Variants in CEP128 observed in about 807,000 individuals in gnomAD.
The protein encoded by CEP128 is centrosomal protein 128kDa.
CEP128 carries 132 observed loss-of-function variants against 156.7 expected under a neutral mutation model. The observed-to-expected ratio is 0.84, with a 90% CI of 0.73 to 0.97. The LOEUF (loss-of-function observed/expected upper bound fraction) is 0.97, where lower values mean the gene tolerates loss of function less well. Ranked by LOEUF, CEP128 falls within the 50% of genes least tolerant of loss-of-function variation. The pLI is 0.00. For synonymous variants in CEP128, 469 were observed against 448.9 expected, an observed-to-expected ratio of 1.04 and a Z score of -0.57; for missense variants, 1,252 against 1,281.9, an observed-to-expected ratio of 0.98 and a Z score of 0.36.
chr14:80,785,284 C>G lies in CEP128; in HGVS notation c.1822G>C (p.Glu608Gln), dbSNP rs765164342. The G allele has an allele frequency of 6.2e-7, 1 of 1,614,054 alleles. No individual in the cohort carries two copies. The highest frequency in any genetic ancestry group is 1.7e-5 in the Admixed American group (1 of 60,004). Residue 608 changes from glutamate to glutamine, a missense_variant, in exon 15 of 25, where the codon GAG becomes CAG. Glu to Gln is a conservative substitution (Grantham distance 29). Coordinates refer to ENST00000555265, the MANE Select transcript of CEP128 (RefSeq NM_152446.5). ...QSKIQSQMKVEKAHLEEEIAE... is the reference protein window; with the variant it reads ...QSKIQSQMKVQKAHLEEEIAE... ...ATTTCTTCCTCCAAGTGAGCTTTCTCAACTTTCATCTGGCTTTGGATCTTA... is the reference window on the plus strand; with the variant it reads ...ATTTCTTCCTCCAAGTGAGCTTTCTGAACTTTCATCTGGCTTTGGATCTTA...
intron 19 of CEP128, among the ~76,000 whole-genome samples, chr14:80,626,465 C>T (rs1242144013): frequency 2.5e-4 from 18 of 72,700 alleles, no homozygotes; most frequent in East Asian, 2.0e-3. Context: ...AGCGAGACTC[C>T]GTCTCAAAAA....
Position 80,561,896 on chromosome 14 carries a change from C to CTATATATATATATATATATATATA in CEP128, c.2857-2595_2857-2594insTATATATATATATATATATATATA, listed in dbSNP as rs145642470. 7.9e-3 allele frequency among the ~76,000 whole-genome samples: 1,115 copies of CTATATATATATATATATATATATA among 141,810 alleles called. 8 individuals are homozygous for CTATATATATATATATATATATATA. The highest frequency in any genetic ancestry group is 0.018 in the African/African-American group (658 of 36,938). 93.0% of individuals were successfully genotyped at this position (141,810 alleles called of 152,430 possible). ...CTCCATTTTGTTGAAATACGAAGGT[C>CTATATATATATATATATATATATA]TATATATATATATATATTTGTTTTG... is the stretch of plus-strand genomic sequence containing the variant. On this transcript the variant is annotated intron_variant, in intron 20 of 24. Transcript: ENST00000555265.
At chr14:80,828,168 T>C (rs1165087587) in intron 13 of CEP128, among the ~76,000 whole-genome samples, 1 of 145,186 alleles carries the variant, frequency 6.9e-6, no homozygotes, top group Non-Finnish European at 1.5e-5. Flanking sequence ...CTGTCGCCCA[T>C]TCTGGAGTGC....
chr14:80,914,506 A>G (rs895872431), intron 3 of CEP128, 98 bp from the exon 4 acceptor site: 10 of 852,764 alleles, frequency 1.2e-5, no homozygotes, highest in Admixed American at 3.8e-5. Flanking sequence ...CAGTTTGTAA[A>G]ATGTACAACT....
intron 23 of CEP128, among the ~76,000 whole-genome samples, chr14:80,526,045 T>C (rs2140262134): frequency 6.6e-6 from 1 of 152,280 alleles, no homozygotes; most frequent in South Asian, 2.1e-4. Flanking sequence ...ATGGACTCTC[T>C]CTGGGTCAGC....
At chr14:80,625,689 T>C (rs1893683635) in intron 19 of CEP128, among the ~76,000 whole-genome samples, 1 of 152,092 alleles carries the variant, frequency 6.6e-6, no homozygotes, top group Non-Finnish European at 1.5e-5. Flanking sequence ...AATTTATTCC[T>C]ATAATCTTTC....
intron 19 of CEP128, among the ~76,000 whole-genome samples, chr14:80,596,849 G>C (rs1473334085): frequency 9.0e-5 from 11 of 121,788 alleles, no homozygotes; most frequent in African/African-American, 4.2e-4. Context: ...AAAAGGTGGG[G>C]GGGGGAGGAA....
intron 8 of CEP128, 31 bp from the exon 9 acceptor site, chr14:80,862,904 T>C (rs747967846): frequency 4.0e-6 from 6 of 1,505,510 alleles, no homozygotes; most frequent in Non-Finnish European, 5.5e-6. Flanking sequence ...ACAGCAGCAT[T>C]ATAGAGCTAG....
At chr14:80,625,561 A>T (rs778568698) in intron 19 of CEP128, among the ~76,000 whole-genome samples, 7 of 152,128 alleles carry the variant, frequency 4.6e-5, no homozygotes, top group Non-Finnish European at 1.0e-4. Flanking sequence ...GGTCATTTAA[A>T]AATATCAATT....
chr14:80,867,328 G>C (rs1887815158), intron 8 of CEP128, among the ~76,000 whole-genome samples: 1 of 152,082 alleles, frequency 6.6e-6, no homozygotes, highest in Non-Finnish European at 1.5e-5. Context: ...AGATTTCATT[G>C]CTCTACTCAG....
At chr14:80,807,442 T>C (rs754819812) in intron 13 of CEP128, among the ~76,000 whole-genome samples, 2 of 152,074 alleles carry the variant, frequency 1.3e-5, no homozygotes, top group Non-Finnish European at 2.9e-5. Flanking sequence ...ATACCTCAAA[T>C]AGAACATCGA....
At chr14:80,709,622 AT>A (rs966022845) in intron 19 of CEP128, among the ~76,000 whole-genome samples, 1 of 152,206 alleles carries the variant, frequency 6.6e-6, no homozygotes, top group Non-Finnish European at 1.5e-5. Context: ...CATATAAAAA[AT>A]AACTTAGAAA....
chr14:80,786,878 C>T (rs886922472), intron 14 of CEP128, among the ~76,000 whole-genome samples: 11 of 152,002 alleles, frequency 7.2e-5, no homozygotes, highest in South Asian at 2.1e-4. Flanking sequence ...AAGGCTCAGG[C>T]GGGAAGATAG....
chr14:80,741,281 T>A (rs896186561), intron 19 of CEP128, among the ~76,000 whole-genome samples: 1 of 152,332 alleles, frequency 6.6e-6, no homozygotes, highest in Non-Finnish European at 1.5e-5. Context: ...AATTTCCACA[T>A]AAATTTTAGG....
intron 21 of CEP128, among the ~76,000 whole-genome samples, chr14:80,547,211 C>T (rs754311374): frequency 6.6e-6 from 1 of 152,158 alleles, no homozygotes; most frequent in Non-Finnish European, 1.5e-5. Context: ...TTGTATGAAA[C>T]TCCATTTACC....
chr14:80,840,671 T>C lies in CEP128; in HGVS notation c.849+11A>G, dbSNP rs1886307509. On this transcript the variant is annotated intron_variant, in intron 10 of 24. Coordinates refer to ENST00000555265, the MANE Select transcript of CEP128 (RefSeq NM_152446.5). ...ACTTTATTCTTTGAAAGATAACTTT[T>C]AAAATCTTACTTGATTCTTCTCAGT... 6.4e-7 allele frequency: 1 copy of C among 1,559,754 alleles called. No homozygotes were observed. The highest frequency in any genetic ancestry group is 1.1e-5 in the South Asian group (1 of 89,196).
rs1041620057 is a variant in CEP128 at position 80,789,482 on chromosome 14, A to C, written c.1560+3278T>G. On this transcript the variant is annotated intron_variant, in intron 14 of 24. Transcript: ENST00000555265. Reference sequence around the variant, plus strand: ...GAATTATAAGGATACAGACTTCAGTAGGTTGCAGACTTGAACTTTGAAGTT... The same window carrying C: ...GAATTATAAGGATACAGACTTCAGTCGGTTGCAGACTTGAACTTTGAAGTT... 5.3e-5 allele frequency among the ~76,000 whole-genome samples: 8 copies of C among 152,216 alleles called. No homozygotes were observed. The South Asian group carries it at 1.7e-3, about 32-fold the overall frequency.
intron 19 of CEP128, among the ~76,000 whole-genome samples, chr14:80,670,271 C>T (rs1393553975): frequency 1.3e-5 from 2 of 152,074 alleles, no homozygotes; most frequent in Non-Finnish European, 2.9e-5. Context: ...AAAAAGATAC[C>T]TTTACTCATG....
intron 19 of CEP128, among the ~76,000 whole-genome samples, chr14:80,613,421 G>C (rs4903927): frequency 0.49 from 72,637 of 146,948 alleles, 19,930 homozygotes; most frequent in Non-Finnish European, 0.59. Flanking sequence ...TCCCACCTCA[G>C]CCTCTCGAGT....
Sources: allele counts gnomAD v4.1 joint callset (sites outside exome capture counted in the v4.1 genomes callset), GRCh38; gene constraint gnomAD v4.1.1; transcripts MANE v1.5; gene names NCBI Gene and HGNC (gene_info 2026-07-23, HGNC 2026-07-21).